The following SLC36A1 variants were observed in gnomAD, a reference collection of about 807,000 sequenced individuals.
SLC36A1 encodes the protein proton-coupled amino acid transporter 1.
Under a neutral mutation model 47.5 loss-of-function variants are expected in SLC36A1, and 30 were observed. The ratio of observed to expected loss-of-function variants is 0.63; its 90% CI spans 0.47 to 0.86. SLC36A1 has a LOEUF of 0.86. Ranked by LOEUF, SLC36A1 falls within the 40% of genes least tolerant of loss-of-function variation. SLC36A1 has a pLI of 0.00. For missense variants in SLC36A1, 517 were observed against 606.0 expected, an observed-to-expected ratio of 0.85 and a Z score of 1.54; for synonymous variants, 255 against 249.7, an observed-to-expected ratio of 1.02 and a Z score of -0.20.
the SLC36A1 span, among the ~76,000 whole-genome samples, chr5:151,375,722 T>C: frequency 6.6e-6 from 1 of 152,160 alleles, no homozygotes; most frequent in East Asian, 1.9e-4. Context: ...CTTGGTTAAA[T>C]ATATTCCTAG....
the SLC36A1 span, chr5:151,537,843 T>C: frequency 6.2e-7 from 1 of 1,614,144 alleles, no homozygotes; most frequent in African/African-American, 1.3e-5. Context: ...ATGCAGAGAA[T>C]ATGTGATCTG....
chr5:151,433,360 C>T (rs111409591), upstream of SLC36A1, among the ~76,000 whole-genome samples: 1,133 of 133,710 alleles, frequency 8.5e-3, 17 homozygotes, highest in African/African-American at 0.03. Flanking sequence ...ATTGGCTCAC[C>T]GCAACCTCTG....
the SLC36A1 span, among the ~76,000 whole-genome samples, chr5:151,348,423 C>T: frequency 6.6e-6 from 1 of 152,206 alleles, no homozygotes; most frequent in African/African-American, 2.4e-5. Context: ...CAGCTTTTGA[C>T]TCAAGCCATA....
intron 6 of SLC36A1, 21 bp downstream of exon 6, chr5:151,467,304 G>GAAAAA: frequency 7.7e-5 from 62 of 807,188 alleles, no homozygotes; most frequent in South Asian, 4.1e-4. Flanking sequence ...GGTTAAAAAA[G>GAAAAA]AAAAAAAAAA....
the SLC36A1 span, among the ~76,000 whole-genome samples, chr5:151,410,928 A>G: frequency 4.2e-5 from 6 of 144,576 alleles, no homozygotes; most frequent in African/African-American, 1.5e-4. Context: ...AACGAAAAAT[A>G]TCTCCAGCAA....
chr5:151,450,261 C>G (rs1753442224), intron 1 of SLC36A1, among the ~76,000 whole-genome samples: 1 of 151,630 alleles, frequency 6.6e-6, no homozygotes, highest in Admixed American at 6.6e-5. Flanking sequence ...TGTCCACTTA[C>G]TAGCATGTGG....
the SLC36A1 span, among the ~76,000 whole-genome samples, chr5:151,421,167 C>T: frequency 8.9e-6 from 1 of 112,906 alleles, no homozygotes; most frequent in Non-Finnish European, 1.9e-5. Context: ...GCCACCACGC[C>T]CTTTCTCTCC....
the SLC36A1 span, among the ~76,000 whole-genome samples, chr5:151,347,030 C>A: frequency 6.6e-6 from 1 of 152,210 alleles, no homozygotes; most frequent in Non-Finnish European, 1.5e-5. Flanking sequence ...CCTTATCCTG[C>A]CAATGACTCA....
At chr5:151,550,813 C>A in the SLC36A1 span, 1 of 1,613,852 alleles carries the variant, frequency 6.2e-7, no homozygotes, top group Non-Finnish European at 8.5e-7. Flanking sequence ...GACTTCATAA[C>A]GAGTTTCCAG....
At chr5:151,397,764 CAAAAAAAAA>C in the SLC36A1 span, among the ~76,000 whole-genome samples, 4 of 44,338 alleles carry the variant, frequency 9.0e-5, no homozygotes, top group South Asian at 1.2e-3. Context: ...AACTCCAACT[CAAAAAAAAA>C]AAAAAAAAAA....
At chr5:151,406,464 C>G in the SLC36A1 span, 4 of 152,292 alleles carry the variant, frequency 2.6e-5, no homozygotes, top group African/African-American at 9.6e-5. Flanking sequence ...AACCTTACCA[C>G]TTCAGTACCT....
the SLC36A1 span, among the ~76,000 whole-genome samples, chr5:151,548,877 C>T: frequency 6.6e-6 from 1 of 151,982 alleles, no homozygotes; most frequent in Non-Finnish European, 1.5e-5. Flanking sequence ...ATAGATAAAC[C>T]CATAAAATAG....
At chr5:151,375,780 T>C in the SLC36A1 span, among the ~76,000 whole-genome samples, 2 of 152,242 alleles carry the variant, frequency 1.3e-5, no homozygotes, top group African/African-American at 4.8e-5. Flanking sequence ...CTTCTTGATT[T>C]GGTTCTCAGC....
chr5:151,504,159 ACACT>A, the SLC36A1 span: 7 of 152,636 alleles, frequency 4.6e-5, no homozygotes, highest in African/African-American at 1.7e-4. Context: ...TCTGTCACTC[ACACT>A]CACAGTCACA....
At chr5:151,470,109 A>C (rs1031145840) in intron 7 of SLC36A1, among the ~76,000 whole-genome samples, 1 of 152,138 alleles carries the variant, frequency 6.6e-6, no homozygotes, top group Non-Finnish European at 1.5e-5. Context: ...CCTTTTTATG[A>C]GACTGGAAGG....
chr5:151,410,117 A>T, the SLC36A1 span, among the ~76,000 whole-genome samples: 5 of 152,162 alleles, frequency 3.3e-5, no homozygotes, highest in African/African-American at 4.8e-5. Context: ...CAAAGTTTGA[A>T]ATGGTGGAGC....
chr5:151,348,329 C>T, the SLC36A1 span, among the ~76,000 whole-genome samples: 3 of 152,236 alleles, frequency 2.0e-5, no homozygotes, highest in South Asian at 2.1e-4. Context: ...TGGTCTTGGG[C>T]GTTTCTCTAG....
the SLC36A1 span, chr5:151,553,378 T>C: frequency 6.2e-7 from 1 of 1,614,042 alleles, no homozygotes; most frequent in African/African-American, 1.3e-5. Flanking sequence ...CCACTGTCTG[T>C]TGCCTTGATC....
At position 151,465,186 on chromosome 5, in the gene SLC36A1, T is replaced by C; in HGVS notation, c.419+17T>C. 1 of 1,605,446 alleles carries C rather than the reference T, an allele frequency of 6.2e-7. No homozygotes were observed. The highest frequency in any genetic ancestry group is 8.5e-7 in the Non-Finnish European group (1 of 1,172,014). ...CTGGGGAAGGTAACTGATTTCCTCCTTCCTTTCAACTGTGGCCTCCCAGTG... is the reference window on the plus strand; with the variant it reads ...CTGGGGAAGGTAACTGATTTCCTCCCTCCTTTCAACTGTGGCCTCCCAGTG... On this transcript the variant is annotated intron_variant, in intron 5 of 10. Coordinates refer to ENST00000243389, the MANE Select transcript of SLC36A1 (RefSeq NM_078483.4).
Sources: allele counts gnomAD v4.1 joint callset (sites outside exome capture counted in the v4.1 genomes callset), GRCh38; gene constraint gnomAD v4.1.1; transcripts MANE v1.5; gene names NCBI Gene and HGNC (gene_info 2026-07-23, HGNC 2026-07-21).